The following KCNH1 variants were observed in gnomAD, a reference collection of about 807,000 sequenced individuals.
KCNH1 encodes potassium voltage-gated channel subfamily H member 1.
KCNH1 carries 27 observed loss-of-function variants against 69.2 expected under a neutral mutation model. The observed-to-expected ratio is 0.39, with a 90% CI of 0.29 to 0.54. KCNH1 has a LOEUF of 0.54. Ranked by LOEUF, KCNH1 falls within the 20% of genes least tolerant of loss-of-function variation. The pLI is 0.68. For synonymous variants in KCNH1, 456 were observed against 487.7 expected (o/e 0.93, Z 0.86); for missense variants, 798 against 1,261.6 (o/e 0.63, Z 5.57).
At chr1:210,778,530 C>CAAAAAAA (rs10679033) in intron 9 of KCNH1, among the ~76,000 whole-genome samples, 1 of 122,384 alleles carries the variant, frequency 8.2e-6, no homozygotes, top group African/African-American at 3.1e-5. Context: ...GACTCTGTCT[C>CAAAAAAA]AAAAAAAAAA....
chr1:210,953,550 C>T (rs571269921), intron 6 of KCNH1, among the ~76,000 whole-genome samples: 91 of 152,304 alleles, frequency 6.0e-4, no homozygotes, highest in Non-Finnish European at 1.0e-3. Context: ...CCATAGCCCT[C>T]GTCTTCTCTT....
intron 5 of KCNH1, among the ~76,000 whole-genome samples, chr1:211,077,230 C>T (rs1571628132): frequency 6.6e-6 from 1 of 152,046 alleles, no homozygotes; most frequent in African/African-American, 2.4e-5. Context: ...GCGAGACAGG[C>T]CAACATTCAA....
intron 10 of KCNH1, among the ~76,000 whole-genome samples, chr1:210,689,514 TA>T (rs1261374663): frequency 6.6e-6 from 1 of 152,246 alleles, no homozygotes. Flanking sequence ...GATTGTGGAA[TA>T]AAAATACATA....
intron 6 of KCNH1, among the ~76,000 whole-genome samples, chr1:210,931,899 T>C (rs891844676): frequency 2.7e-5 from 4 of 148,938 alleles, no homozygotes; most frequent in Non-Finnish European, 5.9e-5. Flanking sequence ...GAAGAAACAA[T>C]TTCTGAACTT....
At chr1:211,122,456 C>T (rs1034626087) in intron 1 of KCNH1, among the ~76,000 whole-genome samples, 3 of 152,152 alleles carry the variant, frequency 2.0e-5, no homozygotes, top group Non-Finnish European at 4.4e-5. Context: ...TACTATTTGA[C>T]CCAGCAATTC....
At chr1:210,760,071 A>G (rs1486396711) in intron 10 of KCNH1, among the ~76,000 whole-genome samples, 2 of 152,126 alleles carry the variant, frequency 1.3e-5, no homozygotes, top group East Asian at 3.9e-4. Flanking sequence ...ACGAGATGAA[A>G]CAGTTTCATC....
chr1:210,988,944 T>C (rs563762734), intron 6 of KCNH1, among the ~76,000 whole-genome samples: 14 of 152,394 alleles, frequency 9.2e-5, no homozygotes, highest in Middle Eastern at 3.4e-3. Flanking sequence ...GTCTCTATCA[T>C]GGCTTGGAAA....
chr1:210,681,236 C>T lies in KCNH1; in HGVS notation c.*2045G>A, dbSNP rs944805781. 6.6e-6 allele frequency: 1 copy of T among 152,220 alleles called. No homozygotes were observed. Among genetic ancestry groups the T allele is most frequent in the Admixed American group, 6.5e-5 (1 of 15,280 alleles). 9.4% of individuals were successfully genotyped at this position (152,220 alleles called of 1,614,324 possible). On this transcript the variant is annotated 3_prime_UTR_variant, in exon 11 of 11. Transcript: ENST00000271751. ...ATTCCAGATATTTTACGGCCTCTTA[C>T]CCAAGGACTGGTTGGCAGCTTCTCA...
At chr1:211,085,592 G>A (rs963329918) in intron 4 of KCNH1, among the ~76,000 whole-genome samples, 1 of 152,102 alleles carries the variant, frequency 6.6e-6, no homozygotes, top group Admixed American at 6.5e-5. Flanking sequence ...GGGGAGACTT[G>A]AGGGCAGCTA....
chr1:210,802,327 T>C (rs1025574628), intron 8 of KCNH1, among the ~76,000 whole-genome samples: 1 of 152,220 alleles, frequency 6.6e-6, no homozygotes, highest in Admixed American at 6.5e-5. Flanking sequence ...GGAACATAAG[T>C]AGCTGATCCC....
intron 7 of KCNH1, among the ~76,000 whole-genome samples, chr1:210,846,273 T>G (rs1285434519): frequency 6.6e-6 from 1 of 152,064 alleles, no homozygotes; most frequent in Non-Finnish European, 1.5e-5. Flanking sequence ...CATCGCCAAG[T>G]CAATCCTAAG....
intron 9 of KCNH1, among the ~76,000 whole-genome samples, chr1:210,788,720 G>A (rs1261045854): frequency 6.8e-5 from 8 of 117,644 alleles, no homozygotes; most frequent in African/African-American, 2.5e-4. Context: ...TTTTTGAGAC[G>A]GAGTCTCGCT....
At chr1:211,042,231 T>G (rs1247275777) in intron 5 of KCNH1, among the ~76,000 whole-genome samples, 1 of 152,216 alleles carries the variant, frequency 6.6e-6, no homozygotes, top group Non-Finnish European at 1.5e-5. Context: ...ACCCACTTCT[T>G]TCTTCTGTTA....
At chr1:210,714,139 A>G (rs1381765101) in intron 10 of KCNH1, among the ~76,000 whole-genome samples, 2 of 152,174 alleles carry the variant, frequency 1.3e-5, no homozygotes, top group Non-Finnish European at 1.5e-5. Flanking sequence ...GGGGTCACAG[A>G]AAGAGCTCTG....
chr1:211,132,832 T>G (rs572118367), intron 1 of KCNH1: 1 of 152,172 alleles, frequency 6.6e-6, no homozygotes, highest in Non-Finnish European at 1.5e-5. Context: ...AAGAGCATCT[T>G]ATGCTTGGCT....
intron 5 of KCNH1, among the ~76,000 whole-genome samples, chr1:211,069,376 G>T (rs951997131): frequency 6.7e-6 from 1 of 149,054 alleles, no homozygotes; most frequent in Non-Finnish European, 1.5e-5. Flanking sequence ...CATATTGAAA[G>T]GCAAAAACAC....
At chr1:211,089,475 A>G (rs538006046) in intron 4 of KCNH1, among the ~76,000 whole-genome samples, 2 of 152,364 alleles carry the variant, frequency 1.3e-5, no homozygotes, top group Admixed American at 6.5e-5. Flanking sequence ...TGGTATTAAC[A>G]GTACTGTGCT....
chr1:210,863,188 A>T (rs1436409167), intron 7 of KCNH1, among the ~76,000 whole-genome samples: 1 of 152,200 alleles, frequency 6.6e-6, no homozygotes, highest in African/African-American at 2.4e-5. Context: ...GGTCTGCTTT[A>T]CCTGGTGAGC....
chr1:210,843,526 T>C (rs2102456154), intron 7 of KCNH1, among the ~76,000 whole-genome samples: 1 of 152,276 alleles, frequency 6.6e-6, no homozygotes, highest in South Asian at 2.1e-4. Flanking sequence ...TTGGAATTCT[T>C]CTCTCTTTGA....
Sources: allele counts gnomAD v4.1 joint callset (sites outside exome capture counted in the v4.1 genomes callset), GRCh38; gene constraint gnomAD v4.1.1; transcripts MANE v1.5; gene names NCBI Gene and HGNC (gene_info 2026-07-23, HGNC 2026-07-21).